Variants in TMEM132E observed in about 807,000 individuals in gnomAD.
The protein encoded by TMEM132E is transmembrane protein 132E.
A neutral mutation model predicts 78.5 loss-of-function variants in TMEM132E; 49 were observed. That is an observed-to-expected ratio of 0.62 (90% CI 0.50 to 0.79). The LOEUF (loss-of-function observed/expected upper bound fraction) is 0.79, where lower values mean the gene tolerates loss of function less well. TMEM132E is among the 30% of genes least tolerant of loss of function. The pLI, the probability that TMEM132E is intolerant of heterozygous loss-of-function variation, is 0.00. For synonymous variants in TMEM132E, 715 were observed against 670.6 expected (o/e 1.07, Z -1.02); for missense variants, 1,403 against 1,470.9 (o/e 0.95, Z 0.75).
chr17:34,608,279 G>A (rs1307814483), intron 1 of TMEM132E, among the ~76,000 whole-genome samples: 1 of 152,116 alleles, frequency 6.6e-6, no homozygotes, highest in African/African-American at 2.4e-5. Flanking sequence ...TTCTTATTAC[G>A]TCACAATGTC....
Position 34,634,908 on chromosome 17 carries a change from C to G in TMEM132E, c.1798C>G (p.Gln600Glu). ...GCATGCCACCCTGCAGGTCTTCACCCAGTTCCACACGACATCATCCGAGGG... is the reference window on the plus strand; with the variant it reads ...GCATGCCACCCTGCAGGTCTTCACCGAGTTCCACACGACATCATCCGAGGG... Reference protein sequence around the residue: ...YQHATLQVFTQFHTTSSEGTD... With the variant: ...YQHATLQVFTEFHTTSSEGTD... The change falls in exon 7 of 9, where the codon CAG (glutamine) becomes GAG (glutamate). Residue 600 changes from glutamine to glutamate, a missense_variant. Gln to Glu is a conservative substitution (Grantham distance 29). Coordinates refer to ENST00000631683, the MANE Select transcript of TMEM132E (RefSeq NM_001304438.2). 6.2e-7 allele frequency: 1 copy of G among 1,614,162 alleles called. No homozygotes were observed. Among genetic ancestry groups the G allele is most frequent in the Non-Finnish European group, 8.5e-7 (1 of 1,180,028 alleles).
intron 1 of TMEM132E, among the ~76,000 whole-genome samples, chr17:34,603,278 C>T (rs1311270144): frequency 1.3e-5 from 2 of 152,058 alleles, no homozygotes; most frequent in Non-Finnish European, 2.9e-5. Context: ...GTTAGGGCCT[C>T]TAGGGCAGGA....
intron 1 of TMEM132E, among the ~76,000 whole-genome samples, chr17:34,591,201 C>T (rs1905856825): frequency 6.6e-6 from 1 of 152,166 alleles, no homozygotes; most frequent in African/African-American, 2.4e-5. Flanking sequence ...ACTTCACAGC[C>T]AGTTCTGACC....
intron 7 of TMEM132E, chr17:34,635,687 C>T (rs2142087300): frequency 3.6e-6 from 1 of 276,666 alleles, no homozygotes; most frequent in African/African-American, 2.2e-5. Flanking sequence ...TGTCGCCACT[C>T]CCTTTTGTCT....
intron 1 of TMEM132E, among the ~76,000 whole-genome samples, chr17:34,597,994 T>C (rs1173618272): frequency 6.6e-6 from 1 of 152,202 alleles, no homozygotes; most frequent in Non-Finnish European, 1.5e-5. Flanking sequence ...AAATCAATGA[T>C]TTCCTAAAAC....
At chr17:34,601,406 T>TGGGCTGTCTCTACTGAAGCC (rs1906234613) in intron 1 of TMEM132E, among the ~76,000 whole-genome samples, 1 of 152,230 alleles carries the variant, frequency 6.6e-6, no homozygotes, top group Non-Finnish European at 1.5e-5. Flanking sequence ...TGTCCCAGGC[T>TGGGCTGTCTCTACTGAAGCC]GGGCTGTCTC....
At chr17:34,593,442 C>G (rs1229004195) in intron 1 of TMEM132E, among the ~76,000 whole-genome samples, 1 of 152,208 alleles carries the variant, frequency 6.6e-6, no homozygotes, top group Non-Finnish European at 1.5e-5. Context: ...GAGTGGCCAC[C>G]CAACAGGACA....
chr17:34,583,115 T>G (rs1349602525), intron 1 of TMEM132E, among the ~76,000 whole-genome samples: 1 of 152,248 alleles, frequency 6.6e-6, no homozygotes, highest in Admixed American at 6.5e-5. Context: ...TGTGCCCCAG[T>G]AGTCCTGGAT....
chr17:34,587,222 G>A (rs965959661), intron 1 of TMEM132E, among the ~76,000 whole-genome samples: 1 of 152,146 alleles, frequency 6.6e-6, no homozygotes, highest in African/African-American at 2.4e-5. Flanking sequence ...CTGGCCCTGA[G>A]AGAACAGGCA....
intron 1 of TMEM132E, among the ~76,000 whole-genome samples, chr17:34,600,713 G>A (rs1406456483): frequency 2.6e-5 from 4 of 152,170 alleles, no homozygotes; most frequent in African/African-American, 4.8e-5. Flanking sequence ...TGCGGCCCCG[G>A]CAGAACTGGC....
chr17:34,630,057 T>A lies in TMEM132E; in HGVS notation c.1388T>A (p.Ile463Asn). Residue 463 changes from isoleucine (I) to asparagine (N), a missense_variant, in exon 5 of 9, where the codon ATC becomes AAC. This residue lies in a region of TMEM132E where 888 missense variants were observed against 952.8 expected (regional missense o/e 0.93). Transcript: ENST00000631683. ...ATTCTGACTGGCCGGACAGTGGCCA[T>A]CCCTGTCAAGGTCATTGCCATCGAG... is the stretch of plus-strand genomic sequence containing the variant. ...TAILTGRTVAIPVKVIAIEVN... is the reference protein window; with the variant it reads ...TAILTGRTVANPVKVIAIEVN... The A allele has an allele frequency of 6.2e-7, 1 of 1,613,410 alleles. No homozygotes were observed. Among genetic ancestry groups the A allele is most frequent in the Non-Finnish European group, 8.5e-7 (1 of 1,179,468 alleles).
Position 34,628,434 on chromosome 17 carries a change from T to C in TMEM132E, c.999-129T>C, listed in dbSNP as rs140688848. ...TCATCTGAAACATTCATCTGAAACA[T>C]CCAGGACTCGGGGTAACTTAGCTTA... On this transcript the variant is annotated intron_variant, in intron 2 of 8. Transcript: ENST00000631683. 7.2e-5 allele frequency: 79 copies of C among 1,095,674 alleles called. No homozygotes were observed. The African/African-American group carries it at 8.4e-4, about 12-fold the overall frequency. 67.9% of individuals were successfully genotyped at this position (1,095,674 alleles called of 1,614,324 possible).
chr17:34,605,880 A>T (rs779867291), intron 1 of TMEM132E, among the ~76,000 whole-genome samples: 12 of 152,172 alleles, frequency 7.9e-5, no homozygotes, highest in Non-Finnish European at 1.8e-4. Context: ...AAAAGGCCCA[A>T]TTGTGCGAGC....
chr17:34,628,132 T>G (rs1244193269), intron 2 of TMEM132E, among the ~76,000 whole-genome samples: 1 of 152,164 alleles, frequency 6.6e-6, no homozygotes, highest in Non-Finnish European at 1.5e-5. Flanking sequence ...CTCGCCAGCT[T>G]TTTGAAGAAC....
intron 2 of TMEM132E, among the ~76,000 whole-genome samples, chr17:34,627,467 C>CGTGTGTGCGTGCGCGCGCGTGTGT (rs1555564416): frequency 7.9e-6 from 1 of 126,540 alleles, no homozygotes; most frequent in African/African-American, 3.0e-5. Context: ...CCAAAAGAAT[C>CGTGTGTGCGTGCGCGCGCGTGTGT]GTGTGTGTGT....
chr17:34,598,429 T>C (rs1382339026), intron 1 of TMEM132E, among the ~76,000 whole-genome samples: 2 of 151,908 alleles, frequency 1.3e-5, no homozygotes, highest in Admixed American at 1.3e-4. Flanking sequence ...CTGGTGGGGG[T>C]GAAGCCCAGG....
At chr17:34,627,132 T>TGGGGGGGGGGGG in intron 2 of TMEM132E, 75 bp downstream of exon 2, 1 of 609,262 alleles carries the variant, frequency 1.6e-6, no homozygotes, top group East Asian at 3.8e-5. Flanking sequence ...GTGGGTGGGT[T>TGGGGGGGGGGGG]GGGGGGTGGG....
At chr17:34,611,011 G>A (rs1032624619) in intron 1 of TMEM132E, among the ~76,000 whole-genome samples, 10 of 152,304 alleles carry the variant, frequency 6.6e-5, no homozygotes, top group African/African-American at 2.4e-4. Flanking sequence ...GGGTCCAGTC[G>A]GTCTTAGCCA....
chr17:34,635,864 G>C (rs1447017276), intron 7 of TMEM132E, 143 bp from the exon 8 acceptor site: 4 of 769,126 alleles, frequency 5.2e-6, no homozygotes, highest in Non-Finnish European at 7.4e-6. Flanking sequence ...ACCTGAGGCA[G>C]AGCTGCGAAG....
Sources: gnomAD v4.1 joint callset for allele counts (sites outside exome capture counted in the v4.1 genomes callset) on GRCh38, gnomAD v4.1.1 for gene constraint, gnomAD v4.1.1 regional missense constraint, MANE v1.5 for transcripts, NCBI Gene and HGNC (gene_info 2026-07-23, HGNC 2026-07-21) for gene names.